Variants in POLR1E observed in about 807,000 individuals in gnomAD.
POLR1E encodes RNA polymerase I subunit E.
In POLR1E, 37 loss-of-function variants were observed where a neutral mutation model predicts 50.9. That is an observed-to-expected ratio of 0.73 (90% CI 0.56 to 0.96). The LOEUF is 0.96. POLR1E is among the 40% of genes least tolerant of loss of function. POLR1E has a pLI of 0.00. For missense variants in POLR1E, 426 were observed against 518.1 expected, an observed-to-expected ratio of 0.82 and a Z score of 1.73; for synonymous variants, 166 against 191.6, an observed-to-expected ratio of 0.87 and a Z score of 1.10.
chr9:37,500,366 GTAGAGA>G (rs1168208325), intron 9 of POLR1E, among the ~76,000 whole-genome samples: 1 of 151,912 alleles, frequency 6.6e-6, no homozygotes, highest in Non-Finnish European at 1.5e-5. Flanking sequence ...TGTGTTTTTA[GTAGAGA>G]TGGGGTTTCA....
rs533679895 is a variant in POLR1E at position 37,498,002 on chromosome 9, G to A, written c.753-89G>A. On this transcript the variant is annotated intron_variant, in intron 8 of 11. Coordinates refer to ENST00000377798, the MANE Select transcript of POLR1E (RefSeq NM_022490.4). ...TGTTGAGTGCGTCGGGGTGAGAGGC[G>A]CCTGCTGTTCTCGTTGTAAGAGGGA... is the stretch of plus-strand genomic sequence containing the variant. 1,379 of 1,453,744 alleles carry A rather than the reference G, an allele frequency of 9.5e-4. 11 individuals are homozygous for A. Among genetic ancestry groups the A allele is most frequent in the South Asian group, 8.4e-3 (644 of 76,496 alleles). 90.1% of individuals were successfully genotyped at this position (1,453,744 alleles called of 1,614,324 possible). A position where few individuals can be genotyped will look rare whatever the true frequency, so the allele number is the denominator to read the frequency against.
intron 2 of POLR1E, 131 bp downstream of exon 2, chr9:37,486,937 GC>G: frequency 9.3e-7 from 1 of 1,074,280 alleles, no homozygotes; most frequent in Non-Finnish European, 1.3e-6. Context: ...GAACTCTGAT[GC>G]CCAGCAGCCT....
chr9:37,493,374 A>C (rs755957268), intron 5 of POLR1E, among the ~76,000 whole-genome samples, 185 bp from the exon 6 acceptor site: 1 of 152,168 alleles, frequency 6.6e-6, no homozygotes, highest in Non-Finnish European at 1.5e-5. Flanking sequence ...CTGTTGATTG[A>C]TCAATCTGTT....
chr9:37,500,169 T>C (rs931641080), intron 9 of POLR1E, among the ~76,000 whole-genome samples: 3 of 92,820 alleles, frequency 3.2e-5, no homozygotes, highest in African/African-American at 1.1e-4. Context: ...TGTTTTGTTT[T>C]GTTTTGTTTT....
intron 10 of POLR1E, among the ~76,000 whole-genome samples, chr9:37,501,208 T>C (rs1211909459): frequency 3.3e-5 from 5 of 152,256 alleles, no homozygotes; most frequent in African/African-American, 7.2e-5. Context: ...CCCTTCCCGA[T>C]GTCTCACAGA....
At chr9:37,487,752 A>G in intron 2 of POLR1E, 111 bp from the exon 3 acceptor site, 1 of 993,584 alleles carries the variant, frequency 1.0e-6, no homozygotes. Context: ...AACTAGTTCT[A>G]ATCCATTGTG....
intron 9 of POLR1E, 108 bp downstream of exon 9, chr9:37,498,332 C>T: frequency 8.1e-7 from 1 of 1,240,728 alleles, no homozygotes; most frequent in Non-Finnish European, 1.1e-6. Context: ...CTGTCCAAGT[C>T]TTTACTGTCA....
In POLR1E at chr9:37,489,297, T is replaced by G; in HGVS notation, c.258-18T>G. On this transcript the variant is annotated intron_variant, in intron 3 of 11. Coordinates refer to ENST00000377798, the MANE Select transcript of POLR1E (RefSeq NM_022490.4). The stretch of plus-strand genomic sequence containing the variant: ...TTGAATAATCCATTGTTATTTGTAT[T>G]ATTTCTTCTTTATTCAGGCACTTTG... The G allele has an allele frequency of 6.5e-7, 1 of 1,543,932 alleles. No individual in the cohort carries two copies. Among genetic ancestry groups the G allele is most frequent in the Non-Finnish European group, 8.8e-7 (1 of 1,132,514 alleles).
At chr9:37,487,334 C>T (rs1445405459) in intron 2 of POLR1E, among the ~76,000 whole-genome samples, 1 of 152,182 alleles carries the variant, frequency 6.6e-6, no homozygotes, top group African/African-American at 2.4e-5. Flanking sequence ...AGGTCTCTGC[C>T]AGAATGCCTT....
chr9:37,502,694 G>T (rs1185797474), intron 11 of POLR1E, among the ~76,000 whole-genome samples: 1 of 152,222 alleles, frequency 6.6e-6, no homozygotes, highest in African/African-American at 2.4e-5. Context: ...CTGAAAAAAA[G>T]AGAACAGGTA....
rs776270127 is a variant in POLR1E at position 37,500,841 on chromosome 9, T to G, written c.888T>G (p.Ser296Arg). 1.2e-6 allele frequency: 2 copies of G among 1,611,530 alleles called. No individual in the cohort carries two copies. The highest frequency in any genetic ancestry group is 3.3e-5 in the Admixed American group (2 of 60,010). The change falls in exon 10 of 12, where the codon AGT becomes AGG. Residue 296 changes from serine to arginine, a missense_variant and splice_region_variant. By Grantham distance (110) the Ser-to-Arg change is moderately radical. Coordinates refer to ENST00000377798, the MANE Select transcript of POLR1E (RefSeq NM_022490.4). ...ATCAAACTCAACTTTGTGTTGTAGGTGCTCTGGGACCTGGAGTTCCCCACA... is the reference window on the plus strand; with the variant it reads ...ATCAAACTCAACTTTGTGTTGTAGGGGCTCTGGGACCTGGAGTTCCCCACA... ...FRAHRVVKRK[S>R]ALGPGVPHII... is the part of the protein sequence containing the mutation.
chr9:37,490,085 ACTTC>A (rs1195433514), intron 4 of POLR1E, among the ~76,000 whole-genome samples: 2 of 152,162 alleles, frequency 1.3e-5, no homozygotes, highest in African/African-American at 4.8e-5. Flanking sequence ...CCATAAAAGA[ACTTC>A]CTTCATTCTT....
chr9:37,488,307 C>G (rs1021032870), intron 3 of POLR1E, among the ~76,000 whole-genome samples: 23 of 152,172 alleles, frequency 1.5e-4, no homozygotes, highest in African/African-American at 5.5e-4. Context: ...AGGCTCTGGA[C>G]TGGGAAAGAG....
At chr9:37,491,504 C>T (rs892524305) in intron 4 of POLR1E, among the ~76,000 whole-genome samples, 1 of 151,408 alleles carries the variant, frequency 6.6e-6, no homozygotes, top group Admixed American at 6.6e-5. Context: ...CGCTTTGTCA[C>T]CCAGGCTGGA....
At chr9:37,495,819 A>G (rs2119010190) in intron 7 of POLR1E, 71 bp from the exon 8 acceptor site, 1 of 1,079,738 alleles carries the variant, frequency 9.3e-7, no homozygotes, top group East Asian at 2.4e-5. Context: ...GTGAAATGCC[A>G]CTGCTATGAG....
intron 9 of POLR1E, 94 bp downstream of exon 9, chr9:37,498,318 A>T: frequency 2.2e-6 from 3 of 1,344,024 alleles, no homozygotes; most frequent in South Asian, 2.8e-5. Flanking sequence ...GAAAATGGAT[A>T]TGTCTGTCCA....
chr9:37,489,640 A>G (rs967926594), intron 4 of POLR1E, among the ~76,000 whole-genome samples: 1 of 151,864 alleles, frequency 6.6e-6, no homozygotes, highest in Non-Finnish European at 1.5e-5. Flanking sequence ...GTGGTGTGAT[A>G]TTGGCTCGCT....
At chr9:37,492,201 A>T in intron 4 of POLR1E, 1 of 1,221,228 alleles carries the variant, frequency 8.2e-7, no homozygotes. Context: ...ACTAAGTTAT[A>T]CTGCCCTTAT....
chr9:37,487,949 G>A lies in POLR1E; in HGVS notation c.257+10G>A. 1.9e-6 allele frequency: 3 copies of A among 1,613,726 alleles called. No homozygotes were observed. Among genetic ancestry groups the A allele is most frequent in the South Asian group, 1.1e-5 (1 of 91,074 alleles). ...GCAACACTTTGTGCAGGTAATGGCAGGGGAAGGGACAGTGGGAAGGGTGAT... is the reference window on the plus strand; with the variant it reads ...GCAACACTTTGTGCAGGTAATGGCAAGGGAAGGGACAGTGGGAAGGGTGAT... On this transcript the variant is annotated intron_variant, in intron 3 of 11. Coordinates refer to ENST00000377798, the MANE Select transcript of POLR1E (RefSeq NM_022490.4).
Sources: allele counts gnomAD v4.1 joint callset (sites outside exome capture counted in the v4.1 genomes callset), GRCh38; gene constraint gnomAD v4.1.1; transcripts MANE v1.5; gene names NCBI Gene and HGNC (gene_info 2026-07-23, HGNC 2026-07-21).